Variants in MBOAT7 observed in about 807,000 individuals in gnomAD.
MBOAT7 encodes membrane-bound acylglycerophosphatidylinositol O-acyltransferase MBOAT7.
Under a neutral mutation model 47.4 loss-of-function variants are expected in MBOAT7, and 40 were observed. The ratio of observed to expected loss-of-function variants is 0.84; its 90% CI spans 0.66 to 1.10. The LOEUF (loss-of-function observed/expected upper bound fraction) is 1.10. Ranked by LOEUF, MBOAT7 falls within the 50% of genes least tolerant of loss-of-function variation. MBOAT7 has a pLI of 0.00. For synonymous variants in MBOAT7, 361 were observed against 292.0 expected (o/e 1.24, Z -2.41); for missense variants, 680 against 655.6 (o/e 1.04, Z -0.41).
Position 54,188,351 on chromosome 19 carries a change from AG to A in MBOAT7, c.77-6del. On this transcript the variant is annotated splice_region_variant and splice_polypyrimidine_tract_variant and intron_variant, in intron 2 of 7. Coordinates refer to ENST00000245615, the MANE Select transcript of MBOAT7 (RefSeq NM_024298.5). ...CCCATCTCTTCAGCCCAGGACCTGC[AG>A]GGGGAAGGGACAGCATAAGCCTGGA... 1.2e-6 allele frequency: 2 copies of A among 1,613,206 alleles called. No homozygotes were observed. Among genetic ancestry groups the A allele is most frequent in the Non-Finnish European group, 1.7e-6 (2 of 1,179,552 alleles).
intron 3 of MBOAT7, among the ~76,000 whole-genome samples, 192 bp downstream of exon 3, chr19:54,188,018 AAAGAAAG>A (rs2076484556): frequency 0.033 from 3,200 of 96,486 alleles, 140 homozygotes; most frequent in African/African-American, 0.056. Flanking sequence ...TCCATCTCAG[AAAGAAAG>A]AAAGAAAGAA....
At position 54,180,901 on chromosome 19, in the gene MBOAT7, G is replaced by A. The variant is rs1396382213; in HGVS notation, c.726C>T (p.Arg242=). The change falls in exon 6 of 8, where the codon CGC becomes CGT. Residue 242 remains arginine, a synonymous_variant. Coordinates refer to ENST00000245615, the MANE Select transcript of MBOAT7 (RefSeq NM_024298.5). The surrounding 1 kb of genome is among the most constrained non-coding windows in gnomAD (Gnocchi z 5.2). The part of the protein sequence containing the change: ...FYMIPVFFAF[R]MRFYVAWIAA... ...CAATCCAGGCCACGTAGAAGCGCATGCGGAAGGCGAAGAAGACGGGGATCA... is the reference window on the plus strand; with the variant it reads ...CAATCCAGGCCACGTAGAAGCGCATACGGAAGGCGAAGAAGACGGGGATCA... 3.8e-6 allele frequency: 6 copies of A among 1,597,938 alleles called. No homozygotes were observed. Among genetic ancestry groups the A allele is most frequent in the Non-Finnish European group, 5.1e-6 (6 of 1,174,136 alleles).
chr19:54,178,676 G>A (rs768875192), intron 7 of MBOAT7, 89 bp downstream of exon 7: 25 of 1,526,708 alleles, frequency 1.6e-5, no homozygotes, highest in Non-Finnish European at 2.1e-5. Context: ...CGGGGGCAGG[G>A]GCCCAGCCAG....
chr19:54,175,830 T>A (rs936206371), intron 7 of MBOAT7, among the ~76,000 whole-genome samples: 1 of 152,206 alleles, frequency 6.6e-6, no homozygotes, highest in Non-Finnish European at 1.5e-5. Context: ...GTTCAAGTGA[T>A]TCTCCTGCCT....
Position 54,180,668 on chromosome 19 carries a change from T to A in MBOAT7, c.854+105A>T. On this transcript the variant is annotated intron_variant, in intron 6 of 7. Coordinates refer to ENST00000245615, the MANE Select transcript of MBOAT7 (RefSeq NM_024298.5). The surrounding 1 kb of genome is among the most constrained non-coding windows in gnomAD (Gnocchi z 5.2). ...GGCGACACTCTGCTCAAAAAGGTGG[T>A]GGCCCTGGCCCCTTGCTCCCCGCTC... is the stretch of plus-strand genomic sequence containing the variant. 3 of 1,107,244 alleles carry A rather than the reference T, an allele frequency of 2.7e-6. No individual in the cohort carries two copies. Among genetic ancestry groups the A allele is most frequent in the Non-Finnish European group, 3.7e-6 (3 of 804,474 alleles). The allele number at this position is 1,107,244 out of a possible 1,614,324, so 68.6% of individuals were successfully genotyped here. A position where few individuals can be genotyped will look rare whatever the true frequency, so the allele number is the denominator to read the frequency against.
At chr19:54,187,089 A>AC in intron 4 of MBOAT7, 72 bp downstream of exon 4, 3 of 1,491,608 alleles carry the variant, frequency 2.0e-6, no homozygotes, top group Non-Finnish European at 8.9e-7. Context: ...GAGCCACTGA[A>AC]GGGGGAGGTA....
At chr19:54,187,456 T>A (rs1568824432) in intron 3 of MBOAT7, 169 bp from the exon 4 acceptor site, 1 of 767,748 alleles carries the variant, frequency 1.3e-6, no homozygotes, top group Non-Finnish European at 2.0e-6. Context: ...CGAATGAGTA[T>A]GATTGAAACA....
intron 5 of MBOAT7, among the ~76,000 whole-genome samples, chr19:54,182,910 A>T (rs1347861516): frequency 1.3e-5 from 2 of 152,200 alleles, no homozygotes; most frequent in Non-Finnish European, 2.9e-5. Flanking sequence ...CATGTTGGCC[A>T]GGCTGGTCTC....
rs1379244351 is a variant in MBOAT7, at chr19:54,187,229, G to A, written c.265C>T (p.Leu89Phe). 3.7e-6 allele frequency: 6 copies of A among 1,607,798 alleles called. No individual in the cohort carries two copies. Among genetic ancestry groups the A allele is most frequent in the Admixed American group, 1.7e-5 (1 of 59,222 alleles). ...TFSYLLFFRA[L>F]SLLGLPTPTP... ...GGAGTGGGCAGGCCCAGGAGGCTGAGGGCTCGGAAGAACAGGAGATAGGAG... is the reference window on the plus strand; with the variant it reads ...GGAGTGGGCAGGCCCAGGAGGCTGAAGGCTCGGAAGAACAGGAGATAGGAG... The change falls in exon 4 of 8, where the codon CTC becomes TTC. Residue 89 changes from leucine (L) to phenylalanine (F), a missense_variant. By Grantham distance (22) the Leu-to-Phe change is conservative (BLOSUM62 0). Coordinates refer to ENST00000245615, the MANE Select transcript of MBOAT7 (RefSeq NM_024298.5).
In MBOAT7 at chr19:54,180,805, G is replaced by A. The variant is rs759040034; in HGVS notation, c.822C>T (p.Gly274=). The A allele has an allele frequency of 9.0e-6, 14 of 1,559,424 alleles. No homozygotes were observed. Among genetic ancestry groups the A allele is most frequent in the South Asian group, 2.3e-5 (2 of 85,494 alleles). The change falls in exon 6 of 8, where the codon GGC becomes GGT. Residue 274 remains glycine, a synonymous_variant. Transcript: ENST00000245615. This position sits in a 1 kb window ranked among gnomAD's most constrained non-coding sequence, Gnocchi z 5.2. ...YPVAAKARAG[G]GPTLQCPPPS... is the part of the protein sequence containing the mutation. ...GGGGTGGGCATTGGAGGGTGGGGCC[G>A]CCTCCGGCCCGGGCTTTGGCGGCCA...
intron 6 of MBOAT7, 24 bp from the exon 7 acceptor site, chr19:54,178,965 G>A: frequency 6.2e-7 from 1 of 1,610,234 alleles, no homozygotes; most frequent in Non-Finnish European, 8.5e-7. Context: ...GATGAGGGTG[G>A]GGGACAGACA....
In MBOAT7 at chr19:54,174,036, G is replaced by T. The variant is rs202068416; in HGVS notation, c.*8C>A. On this transcript the variant is annotated 3_prime_UTR_variant, in exon 8 of 8. Transcript: ENST00000245615. ...GGGACCAGCTGGCAGAGGGAGCGTC[G>T]TGACAGCTTACTCCTCCCGGAGCTT... 5.7e-6 allele frequency: 9 copies of T among 1,567,490 alleles called. No individual in the cohort carries two copies. The African/African-American group carries it at 1.2e-4, about 22-fold the overall frequency.
chr19:54,179,053 A>G, intron 6 of MBOAT7, 112 bp from the exon 7 acceptor site: 1 of 1,418,824 alleles, frequency 7.0e-7, no homozygotes, highest in Non-Finnish European at 9.5e-7. Context: ...CTGGCCAGGC[A>G]ATGGCCCTCT....
At chr19:54,182,287 G>C (rs1378752166) in intron 5 of MBOAT7, among the ~76,000 whole-genome samples, 1 of 152,034 alleles carries the variant, frequency 6.6e-6, no homozygotes, top group African/African-American at 2.4e-5. Flanking sequence ...ACCACATGTT[G>C]TATGATTCCA....
At chr19:54,183,718 T>G (rs2076351917) in intron 4 of MBOAT7, 38 bp from the exon 5 acceptor site, 1 of 1,495,496 alleles carries the variant, frequency 6.7e-7, no homozygotes, top group African/African-American at 1.4e-5. Flanking sequence ...CAGGTCAGAC[T>G]CTGGGCCCTT....
In MBOAT7 at chr19:54,174,019, C is replaced by A; in HGVS notation, c.*25G>T. 6.5e-7 allele frequency: 1 copy of A among 1,545,454 alleles called. No individual in the cohort carries two copies. The highest frequency in any genetic ancestry group is 2.3e-5 in the East Asian group (1 of 43,236). On this transcript the variant is annotated 3_prime_UTR_variant, in exon 8 of 8. Coordinates refer to ENST00000245615, the MANE Select transcript of MBOAT7 (RefSeq NM_024298.5). Reference sequence around the variant, plus strand: ...TGGTTCACAGAATTCCCGGGACCAGCTGGCAGAGGGAGCGTCGTGACAGCT... The same window carrying A: ...TGGTTCACAGAATTCCCGGGACCAGATGGCAGAGGGAGCGTCGTGACAGCT...
At chr19:54,179,047 C>T in intron 6 of MBOAT7, 106 bp from the exon 7 acceptor site, 1 of 1,453,756 alleles carries the variant, frequency 6.9e-7, no homozygotes, top group Non-Finnish European at 9.3e-7. Flanking sequence ...GGGATCCTGG[C>T]CAGGCAATGG....
chr19:54,181,015 C>G lies in MBOAT7; in HGVS notation c.612G>C (p.Leu204=). The G allele has an allele frequency of 6.4e-7, 1 of 1,556,856 alleles. No individual in the cohort carries two copies. The highest frequency in any genetic ancestry group is 2.4e-5 in the East Asian group (1 of 42,170). ...RAWPAPLFGL[L]FLLSSHLFPL... ...GGAAGAGGTGAGAGGAGAGCAGGAA[C>G]AGCAGGCCGAAGAGCGGGGCCGGCC... Residue 204 remains leucine (L), a synonymous_variant, in exon 6 of 8, where the codon CTG becomes CTC. Coordinates refer to ENST00000245615, the MANE Select transcript of MBOAT7 (RefSeq NM_024298.5).
chr19:54,180,437 G>A lies in MBOAT7; in HGVS notation c.854+336C>T, dbSNP rs898940648. Reference sequence around the variant, plus strand: ...CCACTAGCAAAGGATGGCATCCCCAGCAAGCAGGAACAATCTGGTTCTGGG... The same window carrying A: ...CCACTAGCAAAGGATGGCATCCCCAACAAGCAGGAACAATCTGGTTCTGGG... On this transcript the variant is annotated intron_variant, in intron 6 of 7. Transcript: ENST00000245615. The surrounding 1 kb of genome is among the most constrained non-coding windows in gnomAD (Gnocchi z 5.2). 1 of 227,270 alleles carries A rather than the reference G, an allele frequency of 4.4e-6. No individual in the cohort carries two copies. Among genetic ancestry groups the A allele is most frequent in the Non-Finnish European group, 8.6e-6 (1 of 116,602 alleles). 14.1% of individuals were successfully genotyped at this position (227,270 alleles called of 1,614,324 possible). A position where few individuals can be genotyped will look rare whatever the true frequency, so the allele number is the denominator to read the frequency against.
Sources: allele counts gnomAD v4.1 joint callset (sites outside exome capture counted in the v4.1 genomes callset), GRCh38; gene constraint gnomAD v4.1.1; non-coding constraint Gnocchi (gnomAD v3.1); transcripts MANE v1.5; gene names NCBI Gene and HGNC (gene_info 2026-07-23, HGNC 2026-07-21).